The following EPM2A variants were observed in gnomAD, a reference collection of about 807,000 sequenced individuals.
EPM2A encodes laforin.
A neutral mutation model predicts 26.5 loss-of-function variants in EPM2A; 21 were observed. That is an observed-to-expected ratio of 0.79 (90% CI 0.56 to 1.14). The LOEUF (loss-of-function observed/expected upper bound fraction) is 1.14, where lower values mean the gene tolerates loss of function less well. Ranked by LOEUF, EPM2A falls within the 50% of genes most tolerant of loss-of-function variation. EPM2A has a pLI of 0.00. For missense variants in EPM2A, 458 were observed against 440.8 expected, an observed-to-expected ratio of 1.04 and a Z score of -0.35; for synonymous variants, 217 against 177.6, an observed-to-expected ratio of 1.22 and a Z score of -1.76.
At chr6:145,560,825 G>A (rs915153052) in intron 2 of EPM2A, among the ~76,000 whole-genome samples, 2 of 152,078 alleles carry the variant, frequency 1.3e-5, no homozygotes, top group African/African-American at 4.8e-5. Flanking sequence ...TGTAAACTCT[G>A]TGAAGCACAT....
intron 2 of EPM2A, among the ~76,000 whole-genome samples, chr6:145,681,871 G>A (rs1328919780): frequency 6.6e-6 from 1 of 152,102 alleles, no homozygotes; most frequent in Non-Finnish European, 1.5e-5. Flanking sequence ...GTTGCCATAT[G>A]TCCTAGCATT....
intron 3 of EPM2A, chr6:145,628,356 T>C (rs76610341): frequency 0.014 from 2,226 of 153,950 alleles, 16 homozygotes; most frequent in Middle Eastern, 0.024. Flanking sequence ...ATTTTGATTA[T>C]TAGATTATTC....
chr6:145,555,757 C>A (rs1780720592), intron 2 of EPM2A, among the ~76,000 whole-genome samples: 1 of 152,038 alleles, frequency 6.6e-6, no homozygotes, highest in South Asian at 2.1e-4. Context: ...TCACATGAAA[C>A]AAGGCCAGTA....
At chr6:145,651,290 T>G (rs1275731290) in intron 2 of EPM2A, among the ~76,000 whole-genome samples, 1 of 152,220 alleles carries the variant, frequency 6.6e-6, no homozygotes, top group African/African-American at 2.4e-5. Context: ...GAATTCTACA[T>G]CAGCTTTTTA....
intron 4 of EPM2A, among the ~76,000 whole-genome samples, chr6:145,399,897 C>A (rs1254246197): frequency 1.3e-5 from 2 of 152,186 alleles, no homozygotes; most frequent in Non-Finnish European, 2.9e-5. Context: ...TTTACAAATC[C>A]TGCTATTATT....
chr6:145,500,122 G>T (rs1582802023), downstream of EPM2A, among the ~76,000 whole-genome samples: 2 of 152,116 alleles, frequency 1.3e-5, no homozygotes, highest in African/African-American at 4.8e-5. Flanking sequence ...AATTAGAGCT[G>T]GGTAAAAAGA....
intron 4 of EPM2A, among the ~76,000 whole-genome samples, chr6:145,481,802 A>C (rs1469375375): frequency 6.6e-6 from 1 of 152,164 alleles, no homozygotes. Flanking sequence ...ATTAAGATCC[A>C]TTATTTTTCT....
At chr6:145,555,247 C>A (rs774320800) in intron 2 of EPM2A, among the ~76,000 whole-genome samples, 2 of 152,028 alleles carry the variant, frequency 1.3e-5, no homozygotes, top group Non-Finnish European at 2.9e-5. Context: ...GTTAGTTCAT[C>A]CTCTGCTCCT....
intron 2 of EPM2A, chr6:145,638,473 C>A (rs940276386): frequency 6.1e-4 from 93 of 152,070 alleles, no homozygotes; most frequent in African/African-American, 2.0e-3. Flanking sequence ...ATAAACAGGC[C>A]CAAAGCCAGT....
Position 145,627,593 on chromosome 6 carries a change from G to A in EPM2A, c.819C>T (p.Ser273=). 6.2e-7 allele frequency: 1 copy of A among 1,614,228 alleles called. No individual in the cohort carries two copies. Among genetic ancestry groups the A allele is most frequent in the Non-Finnish European group, 8.5e-7 (1 of 1,180,040 alleles). The change falls in exon 4 of 4, where the codon TCC becomes TCT. Residue 273 remains serine (S), a synonymous_variant. Transcript: ENST00000367519. ...YVHCNAGVGR[S]TAAVCGWLQY... ...GGAGCCAGCCGCAGACAGCCGCGGT[G>A]GAGCGGCCCACCCCAGCGTTGCAGT...
intron 2 of EPM2A, among the ~76,000 whole-genome samples, chr6:145,616,154 G>A (rs915837241): frequency 6.6e-6 from 1 of 152,210 alleles, no homozygotes; most frequent in Non-Finnish European, 1.5e-5. Flanking sequence ...GTGGTTTCAT[G>A]GGCCAGGCCC....
At chr6:145,490,210 T>G in intron 4 of EPM2A, 1 of 1,107,388 alleles carries the variant, frequency 9.0e-7, no homozygotes, top group South Asian at 1.5e-5. Flanking sequence ...GATGCCTCAT[T>G]AATTTACTTC....
chr6:145,535,074 T>C (rs1780413022), intron 2 of EPM2A, among the ~76,000 whole-genome samples: 1 of 152,222 alleles, frequency 6.6e-6, no homozygotes, highest in Non-Finnish European at 1.5e-5. Context: ...ATTACTTTCA[T>C]ATTGAAAATT....
intron 4 of EPM2A, among the ~76,000 whole-genome samples, chr6:145,476,443 C>G (rs1212684072): frequency 6.6e-6 from 1 of 152,014 alleles, no homozygotes; most frequent in African/African-American, 2.4e-5. Context: ...GTACTATAGA[C>G]TAAATGGATC....
In EPM2A at chr6:145,585,784, C is replaced by G. The variant is rs896455722; in HGVS notation, c.340+49461G>C. ...GGTATACAATTAAGTTACTTGGAAA[C>G]AGTTTGATCTTTTGGGCTATTGTGT... On this transcript the variant is annotated intron_variant, in intron 2 of 3. Coordinates refer to the EPM2A transcript ENST00000450221. 5.2e-4 allele frequency among the ~76,000 whole-genome samples: 79 copies of G among 152,206 alleles called. 1 individual carries two copies. Among genetic ancestry groups the G allele is most frequent in the Non-Finnish European group, 1.3e-4 (9 of 68,018 alleles).
chr6:145,663,402 G>A (rs997168156), intron 2 of EPM2A, among the ~76,000 whole-genome samples: 103 of 152,340 alleles, frequency 6.8e-4, no homozygotes, highest in Non-Finnish European at 1.0e-3. Context: ...GTGGGTGCAC[G>A]CACCGTGCGT....
intron 2 of EPM2A, chr6:145,671,028 A>C: frequency 1.0e-6 from 1 of 985,260 alleles, no homozygotes; most frequent in African/African-American, 1.7e-5. Context: ...TCAGATGGAA[A>C]TGCTAATTGA....
chr6:145,718,844 T>C (rs1298549421), intron 1 of EPM2A, among the ~76,000 whole-genome samples: 1 of 152,198 alleles, frequency 6.6e-6, no homozygotes, highest in African/African-American at 2.4e-5. Context: ...AAAGAAGACA[T>C]TTATGCAGCC....
At chr6:145,633,332 T>C (rs920151918) in intron 3 of EPM2A, among the ~76,000 whole-genome samples, 4 of 152,232 alleles carry the variant, frequency 2.6e-5, no homozygotes, top group African/African-American at 9.6e-5. Flanking sequence ...CTATCTTCTC[T>C]GTTTTGAAAC....
Sources: gnomAD v4.1 joint callset for allele counts (sites outside exome capture counted in the v4.1 genomes callset) on GRCh38, gnomAD v4.1.1 for gene constraint, MANE v1.5 for transcripts, NCBI Gene and HGNC (gene_info 2026-07-23, HGNC 2026-07-21) for gene names.